EML1: variants seen among roughly 807,000 people sequenced by gnomAD.
The protein encoded by EML1 is EMAP like 1, also known as echinoderm microtubule-associated protein-like 1.
EML1 carries 27 observed loss-of-function variants against 110.4 expected under a neutral mutation model. That is an observed-to-expected ratio of 0.24 (90% CI 0.18 to 0.34). The LOEUF (loss-of-function observed/expected upper bound fraction) is 0.34, where lower values mean the gene tolerates loss of function less well. Among genes scored for constraint, EML1 ranks in the 10% least tolerant of loss-of-function variants. The probability of loss-of-function intolerance (pLI) is 1.00; values close to 1 mark genes in which losing one functional copy is unlikely to be tolerated. For missense variants in EML1, 741 were observed against 1,030.9 expected (o/e 0.72, Z 3.85); for synonymous variants, 344 against 385.8 (o/e 0.89, Z 1.27).
intron 1 of EML1, among the ~76,000 whole-genome samples, chr14:99,847,285 T>C (rs1253747181): frequency 6.6e-6 from 1 of 152,246 alleles, no homozygotes; most frequent in African/African-American, 2.4e-5. Flanking sequence ...GCTACCGTTT[T>C]CTCTACGTAT....
At chr14:99,918,118 T>G (rs1191043392) in intron 16 of EML1, among the ~76,000 whole-genome samples, 4 of 152,158 alleles carry the variant, frequency 2.6e-5, no homozygotes, top group Admixed American at 6.5e-5. Context: ...TTTTGTTTGT[T>G]TTTTGAGACA....
chr14:99,937,611 C>T (rs10137886), intron 19 of EML1, among the ~76,000 whole-genome samples: 116,310 of 151,940 alleles, frequency 0.77, 44,893 homozygotes, highest in African/African-American at 0.87. Context: ...GAAGAGGGCA[C>T]CTCCACCCAG....
chr14:99,753,550 C>G (rs1013220992), intron 1 of EML1, among the ~76,000 whole-genome samples: 1 of 151,988 alleles, frequency 6.6e-6, no homozygotes, highest in Admixed American at 6.5e-5. Context: ...TTCACTCCCT[C>G]TACTCCCTCC....
At chr14:99,780,311 C>A (rs769608866) in intron 1 of EML1, among the ~76,000 whole-genome samples, 3 of 152,084 alleles carry the variant, frequency 2.0e-5, no homozygotes, top group Non-Finnish European at 2.9e-5. Context: ...CCCTCTTTTG[C>A]CCCCACTGTG....
Position 99,781,886 on chromosome 14 carries a change from C to G in EML1, c.-27+7873C>G, listed in dbSNP as rs542025686. On this transcript the variant is annotated intron_variant, in intron 1 of 22. Transcript: ENST00000327921. The surrounding 1 kb of genome is among the most constrained non-coding windows in gnomAD (Gnocchi z 4.2). Reference sequence around the variant, plus strand: ...CCTTGAGGCTGGAGGTATGCTCCCCCGCTTTTGACTTCTGGACTCCTCAGT... The same window carrying G: ...CCTTGAGGCTGGAGGTATGCTCCCCGGCTTTTGACTTCTGGACTCCTCAGT... Among the ~76,000 whole-genome samples the G allele has an allele frequency of 1.1e-4, 16 of 152,194 alleles. No homozygotes were observed. Among genetic ancestry groups the G allele is most frequent in the Admixed American group, 4.6e-4 (7 of 15,282 alleles).
chr14:99,801,619 A>C (rs79712549), intron 1 of EML1, among the ~76,000 whole-genome samples: 2,211 of 152,156 alleles, frequency 0.015, 69 homozygotes, highest in African/African-American at 0.051. Flanking sequence ...CGTCTCAAAA[A>C]AAAAAAAAAG....
chr14:99,878,873 T>G (rs1006670620), intron 4 of EML1, among the ~76,000 whole-genome samples: 1 of 152,188 alleles, frequency 6.6e-6, no homozygotes, highest in African/African-American at 2.4e-5. Flanking sequence ...TAGACATAAG[T>G]AGTTCCTGAG....
intron 1 of EML1, among the ~76,000 whole-genome samples, chr14:99,785,464 G>A (rs535904506): frequency 9.9e-5 from 15 of 152,232 alleles, no homozygotes; most frequent in Non-Finnish European, 1.9e-4. Context: ...GCAAGAGACT[G>A]TTCAGTTACT....
intron 2 of EML1, among the ~76,000 whole-genome samples, chr14:99,854,762 T>C (rs779106995): frequency 1.1e-4 from 16 of 152,198 alleles, no homozygotes; most frequent in Non-Finnish European, 2.1e-4. Flanking sequence ...TCCACTTTGC[T>C]GAGCTTGGAT....
chr14:99,770,779 ATTTTTTT>A (rs34744469), upstream of EML1, among the ~76,000 whole-genome samples: 6,017 of 91,662 alleles, frequency 0.066, 196 homozygotes, highest in African/African-American at 0.081. Context: ...GTTTCCGCTG[ATTTTTTT>A]TTTTTTTTTT....
intron 3 of EML1, 121 bp downstream of exon 3, chr14:99,865,767 G>C (rs1290167148): frequency 1.2e-5 from 15 of 1,275,824 alleles, no homozygotes; most frequent in Middle Eastern, 2.3e-4. Context: ...GCTTATAAAA[G>C]TCCAACATTT....
At chr14:99,745,355 C>A (rs1205845770) in intron 1 of EML1, among the ~76,000 whole-genome samples, 2 of 152,202 alleles carry the variant, frequency 1.3e-5, no homozygotes, top group African/African-American at 4.8e-5. Flanking sequence ...CATGAGCCAT[C>A]ATCCGGCCCC....
intron 7 of EML1, 27 bp downstream of exon 7, chr14:99,897,321 C>T (rs375363617): frequency 1.0e-5 from 16 of 1,560,290 alleles, no homozygotes; most frequent in Admixed American, 1.8e-5. Context: ...GTCATTCCTG[C>T]GACTCAGAAG....
At chr14:99,934,551 C>T (rs2060433066) in intron 17 of EML1, among the ~76,000 whole-genome samples, 1 of 152,252 alleles carries the variant, frequency 6.6e-6, no homozygotes, top group Non-Finnish European at 1.5e-5. Context: ...ATGCTTTACG[C>T]GCCTGTGAGC....
intron 1 of EML1, among the ~76,000 whole-genome samples, chr14:99,762,126 T>A (rs1312531308): frequency 6.6e-6 from 1 of 152,066 alleles, no homozygotes; most frequent in East Asian, 1.9e-4. Context: ...ATAAATTAAT[T>A]TGCACAATGA....
chr14:99,775,627 G>A (rs1201831385), intron 1 of EML1, among the ~76,000 whole-genome samples: 1 of 152,224 alleles, frequency 6.6e-6, no homozygotes, highest in Non-Finnish European at 1.5e-5. Context: ...GGGCAGCAGG[G>A]AGCCCAGGGG....
chr14:99,925,434 T>A (rs2060216600), intron 17 of EML1, among the ~76,000 whole-genome samples: 1 of 152,092 alleles, frequency 6.6e-6, no homozygotes, highest in South Asian at 2.1e-4. Flanking sequence ...TAATTTTTTT[T>A]AGAGACAGGG....
At chr14:99,788,731 G>A (rs2057627112), upstream of EML1, among the ~76,000 whole-genome samples, 1 of 152,060 alleles carries the variant, frequency 6.6e-6, no homozygotes, top group African/African-American at 2.4e-5. Context: ...GATTCACATT[G>A]TTCTGCTACC....
intron 4 of EML1, 105 bp from the exon 5 acceptor site, chr14:99,891,094 G>A (rs1360815822): frequency 1.5e-6 from 2 of 1,306,098 alleles, no homozygotes; most frequent in East Asian, 2.3e-5. Flanking sequence ...AACTTATGCA[G>A]CATTTGTGTG....
Sources: gnomAD v4.1 joint callset for allele counts (sites outside exome capture counted in the v4.1 genomes callset) on GRCh38, gnomAD v4.1.1 for gene constraint, Gnocchi (gnomAD v3.1) non-coding constraint, MANE v1.5 for transcripts, NCBI Gene and HGNC (gene_info 2026-07-23, HGNC 2026-07-21) for gene names.